EXOC4: variants seen among roughly 807,000 people sequenced by gnomAD.
EXOC4 encodes exocyst complex component 4, also known as SEC8-like 1.
In EXOC4, 71 loss-of-function variants were observed where a neutral mutation model predicts 107.2. That is an observed-to-expected ratio of 0.66 (90% CI 0.55 to 0.81). The LOEUF is 0.81. Among genes scored for constraint, EXOC4 ranks in the 30% least tolerant of loss-of-function variants. The pLI, the probability that EXOC4 is intolerant of heterozygous loss-of-function variation, is 0.00. For missense variants in EXOC4, 1,108 were observed against 1,189.6 expected, an observed-to-expected ratio of 0.93 and a Z score of 1.01; for synonymous variants, 456 against 441.2, an observed-to-expected ratio of 1.03 and a Z score of -0.42.
intron 10 of EXOC4, among the ~76,000 whole-genome samples, chr7:133,779,275 T>C (rs970623262): frequency 2.0e-5 from 3 of 152,240 alleles, no homozygotes; most frequent in African/African-American, 4.8e-5. Context: ...AAATGCTATG[T>C]ATTTAATGCC....
intron 11 of EXOC4, among the ~76,000 whole-genome samples, chr7:133,841,798 G>A (rs1798029458): frequency 1.3e-5 from 2 of 152,250 alleles, no homozygotes; most frequent in East Asian, 1.9e-4. Context: ...TAGTTTCTCA[G>A]TCCTCACCCT....
At chr7:133,951,271 T>C (rs1800684432) in intron 14 of EXOC4, among the ~76,000 whole-genome samples, 2 of 152,194 alleles carry the variant, frequency 1.3e-5, no homozygotes, top group Non-Finnish European at 2.9e-5. Context: ...CATAACTCAA[T>C]AGAGGAGTAT....
intron 9 of EXOC4, among the ~76,000 whole-genome samples, chr7:133,498,571 C>A (rs1039080486): frequency 6.6e-6 from 1 of 152,016 alleles, no homozygotes; most frequent in African/African-American, 2.4e-5. Flanking sequence ...GGCGACAGAG[C>A]GAGACTCCGT....
chr7:133,708,442 G>T (rs779486144), intron 10 of EXOC4, among the ~76,000 whole-genome samples: 4 of 152,178 alleles, frequency 2.6e-5, no homozygotes, highest in Non-Finnish European at 5.9e-5. Context: ...ACATTGAATG[G>T]ATTGGAAGAA....
intron 17 of EXOC4, among the ~76,000 whole-genome samples, chr7:134,013,882 A>G (rs893719339): frequency 2.6e-5 from 4 of 152,192 alleles, no homozygotes; most frequent in Non-Finnish European, 5.9e-5. Context: ...AAAAAAAGAA[A>G]AGACAATGAA....
At chr7:133,759,554 A>C (rs1376715533) in intron 10 of EXOC4, among the ~76,000 whole-genome samples, 2 of 152,208 alleles carry the variant, frequency 1.3e-5, no homozygotes, top group African/African-American at 4.8e-5. Context: ...ATAGATTTAC[A>C]TAACTTTTTC....
intron 12 of EXOC4, among the ~76,000 whole-genome samples, chr7:133,902,847 C>G (rs1799484078): frequency 6.8e-6 from 1 of 146,152 alleles, no homozygotes; most frequent in Non-Finnish European, 1.5e-5. Flanking sequence ...GAATGAGACT[C>G]TGTCTCAAAA....
At position 133,358,488 on chromosome 7, in the gene EXOC4, A is replaced by G. The variant is rs890530925; in HGVS notation, c.1007+1915A>G. Among the ~76,000 whole-genome samples the G allele has an allele frequency of 5.9e-5, 9 of 152,262 alleles. No homozygotes were observed. In the South Asian group the frequency reaches 1.5e-3, roughly 25 times the overall value. ...AATTCCATGTTCTATGATCACTTAC[A>G]TCATGATCCAGAGAAGCTGGAGAAT... is the stretch of plus-strand genomic sequence containing the variant. On this transcript the variant is annotated intron_variant, in intron 6 of 17. Transcript: ENST00000253861.
At chr7:133,295,406 A>G (rs1584786962) in intron 3 of EXOC4, among the ~76,000 whole-genome samples, 1 of 152,152 alleles carries the variant, frequency 6.6e-6, no homozygotes, top group East Asian at 1.9e-4. Flanking sequence ...TACATTAAAA[A>G]TATGTTCATA....
chr7:133,910,476 A>G (rs1799668620), intron 12 of EXOC4, among the ~76,000 whole-genome samples: 1 of 152,216 alleles, frequency 6.6e-6, no homozygotes, highest in Admixed American at 6.5e-5. Context: ...ATTCTCAGGT[A>G]GACATATACA....
Position 133,564,972 on chromosome 7 carries a change from C to T in EXOC4, c.1418-65073C>T, listed in dbSNP as rs147454902. On this transcript the variant is annotated intron_variant, in intron 9 of 17. Coordinates refer to ENST00000253861, the MANE Select transcript of EXOC4 (RefSeq NM_021807.4). ...TAACCCAGCCAAGTACAGACAACCT[C>T]GGGGTCTAACATGTGAGAGTGGAAT... Among the ~76,000 whole-genome samples, 46 of 152,196 alleles carry T rather than the reference C, an allele frequency of 3.0e-4. 1 individual carries two copies. Among genetic ancestry groups the T allele is most frequent in the African/African-American group, 1.1e-3 (45 of 41,522 alleles).
chr7:133,278,755 G>T (rs1207927526), intron 2 of EXOC4, among the ~76,000 whole-genome samples: 1 of 152,102 alleles, frequency 6.6e-6, no homozygotes, highest in African/African-American at 2.4e-5. Flanking sequence ...TTTAACTATC[G>T]GTATAATGGG....
intron 10 of EXOC4, among the ~76,000 whole-genome samples, chr7:133,745,704 G>C (rs1420718879): frequency 7.1e-6 from 1 of 140,598 alleles, no homozygotes; most frequent in African/African-American, 2.7e-5. Context: ...ATTGCCTCCT[G>C]TTACTCTTTT....
At chr7:133,825,600 C>T (rs1797683483) in intron 11 of EXOC4, among the ~76,000 whole-genome samples, 1 of 152,210 alleles carries the variant, frequency 6.6e-6, no homozygotes, top group African/African-American at 2.4e-5. Context: ...CTGCCAGTAA[C>T]TTCTTCTGGT....
At chr7:133,469,602 A>G (rs17167098) in intron 7 of EXOC4, among the ~76,000 whole-genome samples, 13,698 of 152,224 alleles carry the variant, frequency 0.09, 810 homozygotes, top group Non-Finnish European at 0.13. Context: ...ATCCATAGGT[A>G]TCTTAGTGAA....
chr7:133,548,315 A>G (rs1800521541), intron 9 of EXOC4, among the ~76,000 whole-genome samples: 1 of 152,134 alleles, frequency 6.6e-6, no homozygotes, highest in Admixed American at 6.5e-5. Context: ...GAGTAGATTT[A>G]GCATAATTCT....
intron 11 of EXOC4, among the ~76,000 whole-genome samples, chr7:133,875,232 C>T (rs1798823845): frequency 1.3e-5 from 2 of 152,140 alleles, no homozygotes; most frequent in South Asian, 2.1e-4. Context: ...TTCTCACAGT[C>T]TGTTTGGGTA....
intron 10 of EXOC4, among the ~76,000 whole-genome samples, chr7:133,676,426 G>A (rs548707491): frequency 5.9e-5 from 9 of 152,164 alleles, no homozygotes; most frequent in African/African-American, 1.4e-4. Flanking sequence ...TATGACACCC[G>A]TTAAATATTT....
At chr7:133,369,505 C>T (rs1796317431) in intron 6 of EXOC4, among the ~76,000 whole-genome samples, 4 of 152,114 alleles carry the variant, frequency 2.6e-5, no homozygotes, top group Non-Finnish European at 5.9e-5. Flanking sequence ...GTATTCTCTT[C>T]TCTTTGGTCC....
Sources: allele counts gnomAD v4.1 joint callset (sites outside exome capture counted in the v4.1 genomes callset), GRCh38; gene constraint gnomAD v4.1.1; transcripts MANE v1.5; gene names NCBI Gene and HGNC (gene_info 2026-07-23, HGNC 2026-07-21).